TENM4: variants seen among roughly 807,000 people sequenced by gnomAD.
TENM4 encodes teneurin-4.
In TENM4, 82 loss-of-function variants were observed where a neutral mutation model predicts 243.3. That is an observed-to-expected ratio of 0.34 (90% CI 0.28 to 0.40). The LOEUF is 0.40. TENM4 is among the 10% of genes least tolerant of loss of function. The pLI is 1.00. For synonymous variants in TENM4, 1,412 were observed against 1,456.3 expected (o/e 0.97, Z 0.69); for missense variants, 3,138 against 3,673.3 (o/e 0.85, Z 3.77).
intron 14 of TENM4, among the ~76,000 whole-genome samples, chr11:78,810,963 C>T (rs912063662): frequency 2.0e-5 from 3 of 152,146 alleles, no homozygotes; most frequent in Non-Finnish European, 2.9e-5. Flanking sequence ...TTTAAAAAGA[C>T]CTTGGATGAA....
chr11:79,046,101 G>C (rs974910204), intron 6 of TENM4, among the ~76,000 whole-genome samples: 5 of 152,212 alleles, frequency 3.3e-5, no homozygotes, highest in African/African-American at 1.2e-4. Flanking sequence ...GTACACACAT[G>C]GTCTCAGGCA....
rs146098713 is a variant in TENM4, at chr11:78,745,412, A to G, written c.2757-6842T>C. ...CCAGCTAATTTTTTGTATTTTTAGT[A>G]GAGACAGGGTTTTGCCATGTTGGCC... On this transcript the variant is annotated intron_variant, in intron 19 of 33. Transcript: ENST00000278550. 2.9e-3 allele frequency among the ~76,000 whole-genome samples: 437 copies of G among 152,060 alleles called. 1 individual carries two copies. The highest frequency in any genetic ancestry group is 0.01 in the African/African-American group (425 of 41,480).
At chr11:79,082,047 G>A (rs1860689102) in intron 4 of TENM4, among the ~76,000 whole-genome samples, 1 of 152,052 alleles carries the variant, frequency 6.6e-6, no homozygotes, top group Non-Finnish European at 1.5e-5. Flanking sequence ...TAACTTCATT[G>A]GTACTTATAA....
At chr11:79,357,429 G>C (rs935612348) in intron 1 of TENM4, among the ~76,000 whole-genome samples, 1 of 152,184 alleles carries the variant, frequency 6.6e-6, no homozygotes, top group Non-Finnish European at 1.5e-5. Context: ...TCCCTATCCA[G>C]TTTTCTAGGG....
At chr11:78,812,053 C>A (rs183176269) in intron 14 of TENM4, 69 bp downstream of exon 14, 1 of 1,494,984 alleles carries the variant, frequency 6.7e-7, no homozygotes, top group Non-Finnish European at 9.0e-7. Context: ...TCCCTGGTCA[C>A]CCTCTTGGCA....
At chr11:78,848,088 A>G (rs760640555) in intron 12 of TENM4, among the ~76,000 whole-genome samples, 1 of 114,758 alleles carries the variant, frequency 8.7e-6, no homozygotes, top group Non-Finnish European at 1.8e-5. Context: ...AAGCAAATGA[A>G]AAACACCACT....
chr11:79,113,403 G>A (rs1323894870), intron 4 of TENM4, among the ~76,000 whole-genome samples: 1 of 151,520 alleles, frequency 6.6e-6, no homozygotes, highest in Admixed American at 6.6e-5. Flanking sequence ...GTGTGTGTGT[G>A]TGTGTGTGTG....
At chr11:79,150,543 C>T (rs1243498056) in intron 3 of TENM4, among the ~76,000 whole-genome samples, 1 of 152,174 alleles carries the variant, frequency 6.6e-6, no homozygotes, top group East Asian at 1.9e-4. Flanking sequence ...CCTCCACTCC[C>T]ACACTCTTCA....
intron 4 of TENM4, among the ~76,000 whole-genome samples, chr11:79,125,814 A>G (rs992307906): frequency 6.6e-6 from 1 of 152,030 alleles, no homozygotes; most frequent in Non-Finnish European, 1.5e-5. Context: ...AGCCACCCCC[A>G]ACACCCCTGT....
intron 9 of TENM4, 28 bp from the exon 10 acceptor site, chr11:78,863,160 T>G: frequency 6.9e-7 from 1 of 1,459,818 alleles, no homozygotes; most frequent in African/African-American, 1.4e-5. Context: ...AAAAGTCATC[T>G]TTTTCTGCTG....
At chr11:78,736,932 T>C (rs1855812807) in intron 20 of TENM4, among the ~76,000 whole-genome samples, 1 of 152,156 alleles carries the variant, frequency 6.6e-6, no homozygotes, top group Non-Finnish European at 1.5e-5. Flanking sequence ...GTAGAAATTG[T>C]AGAGGAAGCA....
Position 78,812,126 on chromosome 11 carries a change from C to G in TENM4, c.1974G>C (p.Glu658Asp). Reference sequence around the variant, plus strand: ...GCTGCCACCTGCAACTCTTACCTTCCTCACAGCTCTCGCCCTTGTAGCCAG... The same window carrying G: ...GCTGCCACCTGCAACTCTTACCTTCGTCACAGCTCTCGCCCTTGTAGCCAG... ...CNPGYKGESC[E>D]EVDCMDPTCS... Residue 658 changes from glutamate (E) to aspartate (D), a missense_variant, in exon 14 of 34, where the codon GAG (glutamate) becomes GAC (aspartate). By Grantham distance (45) the Glu-to-Asp change is conservative. This residue lies in a region of TENM4 where 2,467 missense variants were observed against 3,059.1 expected (regional missense o/e 0.81). Transcript: ENST00000278550. 6.5e-7 allele frequency: 1 copy of G among 1,550,318 alleles called. No homozygotes were observed. The highest frequency in any genetic ancestry group is 1.4e-5 in the African/African-American group (1 of 73,152).
chr11:78,790,800 C>T (rs1474601406), intron 15 of TENM4, among the ~76,000 whole-genome samples: 1 of 152,240 alleles, frequency 6.6e-6, no homozygotes, highest in Non-Finnish European at 1.5e-5. Flanking sequence ...CCTGCCACTC[C>T]TGGCCCTGCT....
chr11:78,669,175 C>T lies in TENM4; in HGVS notation c.7170G>A (p.Met2390Ile), dbSNP rs755882779. 1 of 1,613,830 alleles carries T rather than the reference C, an allele frequency of 6.2e-7. No homozygotes were observed. Residue 2390 changes from methionine to isoleucine, a missense_variant, in exon 32 of 34, where the codon ATG (methionine) becomes ATA (isoleucine). Met to Ile is a conservative substitution (Grantham distance 10). Around this residue, in one of 2 missense-constraint regions of TENM4, gnomAD observed 2,467 missense variants for 3,059.1 expected, o/e 0.81. Transcript: ENST00000278550. The surrounding 1 kb of genome is among the most constrained non-coding windows in gnomAD (Gnocchi z 6.4). ...TGATCTGAAAGTTGGGGTTGGTATC[C>T]ATGTAGATCTCCCCATAGGCTGTGT... ...ILYTAYGEIY[M>I]DTNPNFQIII...
chr11:78,736,297 C>G (rs1855791141), intron 20 of TENM4, among the ~76,000 whole-genome samples: 1 of 152,108 alleles, frequency 6.6e-6, no homozygotes, highest in Non-Finnish European at 1.5e-5. Flanking sequence ...ATTCAATGAG[C>G]CTAATCTACA....
chr11:78,958,194 C>T (rs1420806335), intron 6 of TENM4, among the ~76,000 whole-genome samples: 1 of 152,216 alleles, frequency 6.6e-6, no homozygotes, highest in African/African-American at 2.4e-5. Flanking sequence ...AATGTCAATT[C>T]TCCCACCCAC....
intron 1 of TENM4, among the ~76,000 whole-genome samples, chr11:79,411,132 A>G (rs1373228665): frequency 6.6e-6 from 1 of 152,174 alleles, no homozygotes; most frequent in Non-Finnish European, 1.5e-5. Context: ...AGAGAGGGTA[A>G]GTTTAAAGCT....
intron 28 of TENM4, among the ~76,000 whole-genome samples, chr11:78,690,218 C>T (rs958313121): frequency 2.0e-5 from 3 of 152,100 alleles, no homozygotes; most frequent in Non-Finnish European, 2.9e-5. Context: ...TGAGAGACGG[C>T]GGCTAGGAAG....
chr11:79,154,039 G>T (rs945965315), intron 3 of TENM4, among the ~76,000 whole-genome samples: 3 of 152,118 alleles, frequency 2.0e-5, no homozygotes, highest in Admixed American at 2.0e-4. Context: ...AAACCTGAAG[G>T]CTTATGTCAC....
Sources: gnomAD v4.1 joint callset for allele counts (sites outside exome capture counted in the v4.1 genomes callset) on GRCh38, gnomAD v4.1.1 for gene constraint, gnomAD v4.1.1 regional missense constraint, Gnocchi (gnomAD v3.1) non-coding constraint, MANE v1.5 for transcripts, NCBI Gene and HGNC (gene_info 2026-07-23, HGNC 2026-07-21) for gene names.